Variants in CZIB observed in about 807,000 individuals in gnomAD.
CZIB encodes CXXC motif containing zinc binding protein.
In CZIB, 26 loss-of-function variants were observed where a neutral mutation model predicts 28.3. The observed-to-expected ratio is 0.92, with a 90% confidence interval of 0.67 to 1.27. The LOEUF is 1.27. Among genes scored for constraint, CZIB ranks in the 50% most tolerant of loss-of-function variants. The probability of loss-of-function intolerance (pLI) is 0.00; values close to 1 mark genes in which losing one functional copy is unlikely to be tolerated. For missense variants in CZIB, 179 were observed against 197.3 expected, an observed-to-expected ratio of 0.91 and a Z score of 0.56; for synonymous variants, 78 against 71.1, an observed-to-expected ratio of 1.10 and a Z score of -0.49.
chr1:53,219,121 C>A, intron 2 of CZIB, 198 bp from the exon 3 acceptor site: 1 of 597,854 alleles, frequency 1.7e-6, no homozygotes, highest in Non-Finnish European at 3.0e-6. Flanking sequence ...GTTTCCTATG[C>A]CGGCGTGCCC....
At chr1:53,216,452 C>T (rs1250965079) in intron 6 of CZIB, among the ~76,000 whole-genome samples, 1 of 152,182 alleles carries the variant, frequency 6.6e-6, no homozygotes, top group Non-Finnish European at 1.5e-5. Flanking sequence ...GGGATGAGCA[C>T]CAGCTCAAGT....
intron 4 of CZIB, 57 bp downstream of exon 4, chr1:53,218,357 G>C (rs1645487481): frequency 1.3e-6 from 2 of 1,598,102 alleles, no homozygotes; most frequent in East Asian, 4.5e-5. Context: ...CTTTCAGCCT[G>C]GTGCCAGGAA....
chr1:53,217,699 T>C (rs1166046169), intron 5 of CZIB: 1 of 156,808 alleles, frequency 6.4e-6, no homozygotes, highest in Non-Finnish European at 1.4e-5. Flanking sequence ...CAACTCAAGA[T>C]ACTTTAAATA....
chr1:53,215,768 T>C (rs575570298), intron 7 of CZIB, among the ~76,000 whole-genome samples: 1 of 152,348 alleles, frequency 6.6e-6, no homozygotes, highest in East Asian at 1.9e-4. Flanking sequence ...TGAATAAAGC[T>C]TATCTAACAC....
rs575479862 is a variant in CZIB, at chr1:53,216,787, G to A, written c.334C>T (p.Pro112Ser). Reference protein sequence around the residue: ...CRGLEPVDFQPQAGFAAEGVE... With the variant: ...CRGLEPVDFQSQAGFAAEGVE... ...CCAGAAAGATACACACACACCTGCG[G>A]CTGGAAATCAACTGGTTCAAGGCCC... The change falls in exon 6 of 8, where the codon CCG becomes TCG. Residue 112 changes from proline (P) to serine (S), a missense_variant. Coordinates refer to ENST00000294360, the MANE Select transcript of CZIB (RefSeq NM_017887.3). 1.1e-5 allele frequency: 18 copies of A among 1,613,938 alleles called. No homozygotes were observed. In the African/African-American group the frequency reaches 2.0e-4, roughly 18 times the overall value.
Position 53,215,850 on chromosome 1 carries a change from C to T in CZIB, c.405+141G>A, listed in dbSNP as rs112008709. On this transcript the variant is annotated intron_variant, in intron 7 of 7. Coordinates refer to ENST00000294360, the MANE Select transcript of CZIB (RefSeq NM_017887.3). ...ATTAGAAAGCACTTTAGCACTATACCTGTGGCCATTTCAACAGCAAAATCA... is the reference window on the plus strand; with the variant it reads ...ATTAGAAAGCACTTTAGCACTATACTTGTGGCCATTTCAACAGCAAAATCA... 26 of 781,594 alleles carry T rather than the reference C, an allele frequency of 3.3e-5. No homozygotes were observed. In the African/African-American group the frequency reaches 3.8e-4, roughly 11 times the overall value. The allele number at this position is 781,594 out of a possible 1,614,324, so 48.4% of individuals were successfully genotyped here.
In CZIB at chr1:53,220,595, T is replaced by G; in HGVS notation, c.-20A>C. On this transcript the variant is annotated 5_prime_UTR_variant, in exon 1 of 8. Transcript: ENST00000294360. ...CCCCATGGTAGCCCTCTCCGCCCGG[T>G]GCTGGCTGCGGCCCTTGCCGTTGCT... 1 of 1,596,622 alleles carries G rather than the reference T, an allele frequency of 6.3e-7. No individual in the cohort carries two copies. The highest frequency in any genetic ancestry group is 1.1e-5 in the South Asian group (1 of 90,780).
chr1:53,219,634 C>A (rs1645505214), intron 2 of CZIB: 1 of 152,516 alleles, frequency 6.6e-6, no homozygotes, highest in Non-Finnish European at 1.5e-5. Flanking sequence ...TTCTTCAAGC[C>A]AAAGAACAGA....
intron 1 of CZIB, 65 bp downstream of exon 1, chr1:53,220,505 G>C (rs1645516381): frequency 1.3e-6 from 2 of 1,598,656 alleles, no homozygotes; most frequent in Non-Finnish European, 1.7e-6. Flanking sequence ...CCTGGCGCGA[G>C]CTGTTGCCTC....
chr1:53,214,697 CCA>C lies in CZIB; in HGVS notation c.443_444del (p.Val148GlyfsTer4), dbSNP rs765127857. The C allele has an allele frequency of 1.2e-6, 2 of 1,614,086 alleles. No homozygotes were observed. Among genetic ancestry groups the C allele is most frequent in the South Asian group, 1.1e-5 (1 of 91,082 alleles). ...TDYDEKAQES[V>X]GIYEVTHQFV... ...AACTGGTGGGTGACCTCATAGATTC[CCA>C]CAGACTCCTGGGCCTTTTCATCATA... On this transcript the variant is annotated frameshift_variant, in exon 8 of 8. Coordinates refer to ENST00000294360, the MANE Select transcript of CZIB (RefSeq NM_017887.3). LOFTEE classifies it high-confidence loss of function.
At position 53,218,481 on chromosome 1, in the gene CZIB, CA is replaced by C; in HGVS notation, c.161del (p.Leu54ArgfsTer26). 1 of 1,614,196 alleles carries C rather than the reference CA, an allele frequency of 6.2e-7. No homozygotes were observed. Among genetic ancestry groups the C allele is most frequent in the Non-Finnish European group, 8.5e-7 (1 of 1,180,034 alleles). Reference sequence around the variant, plus strand: ...TGGAAGCACTGCCACGGCCCCCCTTCAGTGCCACACTGTCCTGGCAAAAAGC... The same window carrying C: ...TGGAAGCACTGCCACGGCCCCCCTTCGTGCCACACTGTCCTGGCAAAAAGC... ...QYIRLMDSVA[L>X]KGGRGSASMV... On this transcript the variant is annotated frameshift_variant, in exon 4 of 8. Transcript: ENST00000294360. LOFTEE classifies it high-confidence loss of function.
At chr1:53,218,149 T>C (rs1645485551) in intron 5 of CZIB, 23 bp downstream of exon 5, 1 of 1,613,304 alleles carries the variant, frequency 6.2e-7, no homozygotes, top group East Asian at 2.2e-5. Context: ...CCACCATCCC[T>C]GCCACTACAG....
At chr1:53,219,682 C>T (rs1190911840) in intron 2 of CZIB, 2 of 152,638 alleles carry the variant, frequency 1.3e-5, no homozygotes, top group Non-Finnish European at 2.9e-5. Context: ...GCTTCAAAAT[C>T]CTGGGAAACA....
rs746936073 is a variant in CZIB at position 53,220,281 on chromosome 1, C to G, written c.70G>C (p.Asp24His). 4 of 1,613,558 alleles carry G rather than the reference C, an allele frequency of 2.5e-6. No homozygotes were observed. The highest frequency in any genetic ancestry group is 3.4e-6 in the Non-Finnish European group (4 of 1,179,894). Residue 24 changes from aspartate (D) to histidine (H), a missense_variant, in exon 2 of 8, where the codon GAC (aspartate) becomes CAC (histidine). Physicochemically the swap from Asp to His is moderately conservative, Grantham distance 81. Transcript: ENST00000294360. ...CGCACCTTCAGGTACCACCGGAAGT[C>G]CTCGCCCACGGGCCGGAGGTTGGTG... ...NITNLRPVGE[D>H]FRWYLKMKCG...
chr1:53,215,138 G>A (rs1346092161), intron 7 of CZIB, among the ~76,000 whole-genome samples: 5 of 152,238 alleles, frequency 3.3e-5, no homozygotes, highest in Middle Eastern at 3.4e-3. Flanking sequence ...TCAGGGGTCC[G>A]AGACCATCCT....
At chr1:53,216,518 A>T (rs751100620) in intron 6 of CZIB, among the ~76,000 whole-genome samples, 3 of 152,208 alleles carry the variant, frequency 2.0e-5, no homozygotes, top group Non-Finnish European at 2.9e-5. Context: ...ACCCTGAGCA[A>T]GTTGCAAAAT....
intron 5 of CZIB, 50 bp downstream of exon 5, chr1:53,218,122 C>A (rs376808171): frequency 6.3e-7 from 1 of 1,594,124 alleles, no homozygotes; most frequent in African/African-American, 1.3e-5. Flanking sequence ...CCTACTAACT[C>A]CAGTTAGGAT....
chr1:53,220,393 C>T, intron 1 of CZIB, 49 bp from the exon 2 acceptor site: 6 of 1,597,332 alleles, frequency 3.8e-6, no homozygotes, highest in Non-Finnish European at 5.1e-6. Context: ...TGCGCAGCCC[C>T]ACGCCTGCCC....
At chr1:53,215,204 G>C (rs1645462584) in intron 7 of CZIB, among the ~76,000 whole-genome samples, 1 of 152,170 alleles carries the variant, frequency 6.6e-6, no homozygotes, top group Non-Finnish European at 1.5e-5. Context: ...GCCAGGAATG[G>C]TGGCAGGCGC....
Sources: allele counts gnomAD v4.1 joint callset (sites outside exome capture counted in the v4.1 genomes callset), GRCh38; gene constraint gnomAD v4.1.1; transcripts MANE v1.5; gene names NCBI Gene and HGNC (gene_info 2026-07-23, HGNC 2026-07-21).